FRMD4B: variants seen among roughly 807,000 people sequenced by gnomAD.
FRMD4B encodes the protein FERM domain containing 4B.
FRMD4B carries 74 observed loss-of-function variants against 141.5 expected under a neutral mutation model. The observed-to-expected ratio is 0.52, with a 90% CI of 0.43 to 0.63. The LOEUF (loss-of-function observed/expected upper bound fraction) is 0.63, where lower values mean the gene tolerates loss of function less well. Among genes scored for constraint, FRMD4B ranks in the 30% least tolerant of loss-of-function variants. The pLI, the probability that FRMD4B is intolerant of heterozygous loss-of-function variation, is 0.00. For missense variants in FRMD4B, 1,366 were observed against 1,253.4 expected, an observed-to-expected ratio of 1.09 and a Z score of -1.36; for synonymous variants, 506 against 467.9, an observed-to-expected ratio of 1.08 and a Z score of -1.05.
intron 1 of FRMD4B, among the ~76,000 whole-genome samples, chr3:69,347,298 T>C (rs868601483): frequency 3.3e-5 from 5 of 152,192 alleles, no homozygotes; most frequent in Admixed American, 1.3e-4. Context: ...TAAATATATA[T>C]GCACCCAATA....
At chr3:69,387,406 T>G (rs571388848), upstream of FRMD4B, among the ~76,000 whole-genome samples, 371 of 152,306 alleles carry the variant, frequency 2.4e-3, 2 homozygotes, top group Non-Finnish European at 4.3e-3. Flanking sequence ...CATGACCCAT[T>G]GTGCCCAGCC....
intron 1 of FRMD4B, among the ~76,000 whole-genome samples, chr3:69,366,965 C>A (rs751819753): frequency 6.6e-6 from 1 of 151,928 alleles, no homozygotes; most frequent in Non-Finnish European, 1.5e-5. Context: ...TGAAATTTTG[C>A]CATGTTGCCC....
At chr3:69,486,191 T>G (rs898190265) in intron 1 of FRMD4B, among the ~76,000 whole-genome samples, 6 of 152,216 alleles carry the variant, frequency 3.9e-5, no homozygotes, top group Non-Finnish European at 8.8e-5. Flanking sequence ...AACATCAGGT[T>G]TCTAACTGTT....
At chr3:69,467,560 A>T (rs954468618) in intron 1 of FRMD4B, among the ~76,000 whole-genome samples, 1 of 152,210 alleles carries the variant, frequency 6.6e-6, no homozygotes. Flanking sequence ...TACCAGCTAC[A>T]TGACTGTGAG....
intron 1 of FRMD4B, among the ~76,000 whole-genome samples, chr3:69,436,138 G>C: frequency 6.6e-6 from 1 of 152,120 alleles, no homozygotes; most frequent in Non-Finnish European, 1.5e-5. Context: ...TCCTTTCTCA[G>C]CTTACTTCAC....
chr3:69,209,988 T>C lies in FRMD4B; in HGVS notation c.876+6275A>G, dbSNP rs183399836. ...GTCACTGTCTTTAAATAAAATAACC[T>C]TGTAGTTGTATGAGAAGAAAACAGG... On this transcript the variant is annotated intron_variant, in intron 11 of 22. Transcript: ENST00000398540. Among the ~76,000 whole-genome samples, 394 of 152,304 alleles carry C rather than the reference T, an allele frequency of 2.6e-3. 2 individuals are homozygous for C. The highest frequency in any genetic ancestry group is 0.012 in the Admixed American group (182 of 15,290).
At chr3:69,347,238 C>A (rs1702978283) in intron 1 of FRMD4B, among the ~76,000 whole-genome samples, 1 of 152,094 alleles carries the variant, frequency 6.6e-6, no homozygotes, top group Non-Finnish European at 1.5e-5. Flanking sequence ...ACAAAGAAGG[C>A]CATTACATAA....
At chr3:69,420,736 G>C (rs1001769821) in intron 2 of FRMD4B, among the ~76,000 whole-genome samples, 2 of 152,190 alleles carry the variant, frequency 1.3e-5, no homozygotes, top group Non-Finnish European at 2.9e-5. Flanking sequence ...CTCCTGTGTG[G>C]ATTTAAGTGG....
chr3:69,361,706 T>C (rs141466867), intron 1 of FRMD4B, among the ~76,000 whole-genome samples: 68 of 152,352 alleles, frequency 4.5e-4, no homozygotes, highest in African/African-American at 1.2e-3. Context: ...CGCTGAGTAG[T>C]ATCCATTGCA....
At chr3:69,269,913 C>A (rs4855371) in intron 5 of FRMD4B, among the ~76,000 whole-genome samples, 103,005 of 152,208 alleles carry the variant, frequency 0.68, 35,767 homozygotes, top group Non-Finnish European at 0.77. Flanking sequence ...AACCACTGTG[C>A]CCGGCCTCAT....
At chr3:69,324,411 A>C (rs1303635472) in intron 1 of FRMD4B, among the ~76,000 whole-genome samples, 1 of 152,250 alleles carries the variant, frequency 6.6e-6, no homozygotes, top group African/African-American at 2.4e-5. Context: ...ATACCAGCCA[A>C]TAAGACTGAA....
intron 1 of FRMD4B, among the ~76,000 whole-genome samples, chr3:69,321,509 A>G (rs1701996575): frequency 6.6e-6 from 1 of 152,170 alleles, no homozygotes; most frequent in South Asian, 2.1e-4. Context: ...AAACCCAGCT[A>G]TCTAGGCAGG....
intron 1 of FRMD4B, among the ~76,000 whole-genome samples, chr3:69,481,180 C>T (rs1045790119): frequency 3.3e-5 from 5 of 152,194 alleles, no homozygotes; most frequent in East Asian, 1.9e-4. Context: ...GGTAATGCCT[C>T]GCCCTGCTTC....
At chr3:69,207,652 A>G (rs2093036691) in intron 11 of FRMD4B, among the ~76,000 whole-genome samples, 1 of 152,090 alleles carries the variant, frequency 6.6e-6, no homozygotes, top group Admixed American at 6.6e-5. Flanking sequence ...TACTAAAAAT[A>G]CAAAAATTAG....
chr3:69,509,893 C>A (rs1706662058), intron 1 of FRMD4B, among the ~76,000 whole-genome samples: 1 of 151,380 alleles, frequency 6.6e-6, no homozygotes, highest in African/African-American at 2.4e-5. Context: ...TGCAATCAAG[C>A]AAGTCACATG....
chr3:69,534,922 G>A (rs1376847900), intron 1 of FRMD4B, among the ~76,000 whole-genome samples: 1 of 152,150 alleles, frequency 6.6e-6, no homozygotes, highest in Non-Finnish European at 1.5e-5. Context: ...CATAGTTGGT[G>A]TTCAACAAAT....
intron 1 of FRMD4B, among the ~76,000 whole-genome samples, chr3:69,509,522 T>C (rs1213111288): frequency 6.6e-6 from 1 of 152,172 alleles, no homozygotes; most frequent in East Asian, 1.9e-4. Context: ...TCAGGGTGTC[T>C]TCAGACCTCT....
At chr3:69,366,910 C>T (rs912154377) in intron 1 of FRMD4B, among the ~76,000 whole-genome samples, 2 of 152,002 alleles carry the variant, frequency 1.3e-5, no homozygotes, top group Non-Finnish European at 2.9e-5. Flanking sequence ...GCTAGAACTA[C>T]AGGTGTTGCC....
intron 4 of FRMD4B, among the ~76,000 whole-genome samples, chr3:69,299,603 G>C (rs1375379634): frequency 6.6e-6 from 1 of 152,174 alleles, no homozygotes; most frequent in Non-Finnish European, 1.5e-5. Flanking sequence ...TTCTGGAGAA[G>C]CTCTGAATTG....
Sources: gnomAD v4.1 joint callset for allele counts (sites outside exome capture counted in the v4.1 genomes callset) on GRCh38, gnomAD v4.1.1 for gene constraint, MANE v1.5 for transcripts, NCBI Gene and HGNC (gene_info 2026-07-23, HGNC 2026-07-21) for gene names.